The following PDXDC1 variants were observed in gnomAD, a reference collection of about 807,000 sequenced individuals.
PDXDC1 encodes pyridoxal dependent decarboxylase domain containing 1.
In PDXDC1, 42 loss-of-function variants were observed where a neutral mutation model predicts 100.1. The ratio of observed to expected loss-of-function variants is 0.42; its 90% CI spans 0.33 to 0.54. The LOEUF (loss-of-function observed/expected upper bound fraction) is 0.54, where lower values mean the gene tolerates loss of function less well. PDXDC1 is among the 20% of genes least tolerant of loss of function. The pLI, the probability that PDXDC1 is intolerant of heterozygous loss-of-function variation, is 0.10. For synonymous variants in PDXDC1, 260 were observed against 371.7 expected (o/e 0.70, Z 3.46); for missense variants, 636 against 979.2 (o/e 0.65, Z 4.68).
chr16:15,143,735 G>A (rs1388299931), downstream of PDXDC1, among the ~76,000 whole-genome samples: 1 of 152,312 alleles, frequency 6.6e-6, no homozygotes, highest in East Asian at 1.9e-4. Flanking sequence ...AGCTCCCGGG[G>A]CCCTCCCAAT....
intron 16 of PDXDC1, chr16:15,133,630 G>C (rs2048211986): frequency 1.5e-6 from 2 of 1,305,372 alleles, no homozygotes; most frequent in South Asian, 2.4e-5. Context: ...ACTCCTCGCA[G>C]TGGCCCTGGC....
chr16:15,031,128 TTTTTTTTCC>T (rs1328890808), intron 16 of PDXDC1, among the ~76,000 whole-genome samples: 3 of 141,672 alleles, frequency 2.1e-5, no homozygotes, highest in African/African-American at 2.6e-5. Context: ...TTTTTTTTTT[TTTTTTTTCC>T]ATAGAGACGT....
At chr16:14,984,052 A>C (rs1352483582) in intron 1 of PDXDC1, among the ~76,000 whole-genome samples, 1 of 152,252 alleles carries the variant, frequency 6.6e-6, no homozygotes, top group Admixed American at 6.5e-5. Context: ...AGTCCCAGCT[A>C]CTTGGGAGGC....
chr16:15,062,685 C>T (rs113856456), intron 16 of PDXDC1, among the ~76,000 whole-genome samples: 1,928 of 147,990 alleles, frequency 0.013, 13 homozygotes, highest in Middle Eastern at 0.038. Flanking sequence ...GGTAAGAATG[C>T]GCAAGTGGCA....
At chr16:15,144,533 C>A in the PDXDC1 span, among the ~76,000 whole-genome samples, 1 of 152,162 alleles carries the variant, frequency 6.6e-6, no homozygotes, top group Non-Finnish European at 1.5e-5. Flanking sequence ...GGCTGCCAGG[C>A]CCCAGGCAAC....
chr16:15,130,115 G>A (rs1289994533), intron 16 of PDXDC1: 1 of 1,346,258 alleles, frequency 7.4e-7, no homozygotes, highest in Non-Finnish European at 1.0e-6. Context: ...GAGGTCACGT[G>A]CAAGCTGTGC....
chr16:15,125,563 T>A, intron 16 of PDXDC1: 1 of 1,560,626 alleles, frequency 6.4e-7, no homozygotes, highest in South Asian at 1.1e-5. Context: ...CTTAGAATCA[T>A]CCAGAAACAA....
At chr16:15,026,904 C>T (rs762697333) in intron 14 of PDXDC1, among the ~76,000 whole-genome samples, 198 bp downstream of exon 14, 1 of 152,296 alleles carries the variant, frequency 6.6e-6, no homozygotes, top group African/African-American at 2.4e-5. Context: ...GGTGATTAAA[C>T]CAGGGGTTCC....
intron 16 of PDXDC1, among the ~76,000 whole-genome samples, chr16:15,124,165 C>T (rs1438393030): frequency 6.6e-6 from 1 of 152,174 alleles, no homozygotes; most frequent in Non-Finnish European, 1.5e-5. Flanking sequence ...TTGGCCGCAT[C>T]ATGTGTGATG....
intron 16 of PDXDC1, chr16:15,084,756 G>A (rs186808616): frequency 1.6e-5 from 20 of 1,258,596 alleles, no homozygotes; most frequent in African/African-American, 1.2e-4. Flanking sequence ...ACTGAAGGGC[G>A]ACACGCTTGA....
At chr16:15,073,557 AC>A (rs1313559231) in intron 16 of PDXDC1, among the ~76,000 whole-genome samples, 1 of 152,198 alleles carries the variant, frequency 6.6e-6, no homozygotes, top group East Asian at 1.9e-4. Context: ...ATAATCTAAC[AC>A]CTGCAAGGAA....
chr16:15,034,405 G>C (rs867093385), intron 20 of PDXDC1, 27 bp downstream of exon 20: 1 of 1,613,284 alleles, frequency 6.2e-7, no homozygotes, highest in South Asian at 1.1e-5. Context: ...GCAGCAGGCT[G>C]GGGGAGCCGC....
chr16:15,062,062 C>T (rs2151754008), intron 16 of PDXDC1, among the ~76,000 whole-genome samples: 1 of 152,264 alleles, frequency 6.6e-6, no homozygotes, highest in Non-Finnish European at 1.5e-5. Context: ...GCCTGTAGTC[C>T]CAGCTACTCA....
downstream of PDXDC1, among the ~76,000 whole-genome samples, chr16:15,039,373 C>G (rs1372485447): frequency 6.6e-6 from 1 of 152,120 alleles, no homozygotes; most frequent in Non-Finnish European, 1.5e-5. Flanking sequence ...TTTGGGGTGG[C>G]CTGAATGTGA....
intron 16 of PDXDC1, among the ~76,000 whole-genome samples, chr16:15,128,671 C>T (rs1487690460): frequency 4.6e-5 from 7 of 152,078 alleles, no homozygotes; most frequent in Admixed American, 1.3e-4. Context: ...CAGTGACCCG[C>T]ACTGCACACC....
chr16:15,091,371 C>G (rs2046124196), intron 16 of PDXDC1: 1 of 1,584,512 alleles, frequency 6.3e-7, no homozygotes, highest in South Asian at 1.1e-5. Context: ...TTTGTTTCAC[C>G]CTTAACAAGA....
At chr16:15,071,350 T>C (rs889974525) in intron 16 of PDXDC1, 7 of 1,110,924 alleles carry the variant, frequency 6.3e-6, no homozygotes, top group African/African-American at 1.6e-5. Flanking sequence ...TAGGGAAAAG[T>C]TCTACTATCT....
chr16:15,046,514 A>G (rs1017318294), intron 16 of PDXDC1, among the ~76,000 whole-genome samples: 3 of 152,060 alleles, frequency 2.0e-5, no homozygotes, highest in Non-Finnish European at 4.4e-5. Context: ...CGGCTACTTT[A>G]CTGCAGTGAG....
intron 21 of PDXDC1, 44 bp downstream of exon 21, chr16:15,034,597 G>C: frequency 6.9e-7 from 1 of 1,440,220 alleles, no homozygotes; most frequent in South Asian, 1.1e-5. Flanking sequence ...GACCTTGGGA[G>C]GTTTCACCAA....
Sources: allele counts gnomAD v4.1 joint callset (sites outside exome capture counted in the v4.1 genomes callset), GRCh38; gene constraint gnomAD v4.1.1; transcripts MANE v1.5; gene names NCBI Gene and HGNC (gene_info 2026-07-23, HGNC 2026-07-21).